Variants in SNX29 observed in about 807,000 individuals in gnomAD.
SNX29 encodes sorting nexin 29, also known as sorting nexin-29.
SNX29 carries 78 observed loss-of-function variants against 102.1 expected under a neutral mutation model. That is an observed-to-expected ratio of 0.76 (90% CI 0.64 to 0.92). The LOEUF is 0.92. SNX29 is among the 40% of genes least tolerant of loss of function. The pLI is 0.00. For synonymous variants in SNX29, 580 were observed against 414.5 expected (o/e 1.40, Z -4.85); for missense variants, 1,280 against 1,061.7 (o/e 1.21, Z -2.86).
At chr16:12,368,445 A>G (rs1237561585) in intron 16 of SNX29, among the ~76,000 whole-genome samples, 2 of 152,368 alleles carry the variant, frequency 1.3e-5, no homozygotes, top group African/African-American at 2.4e-5. Context: ...ACTGGCTTAC[A>G]TCGCCTGTCG....
At chr16:12,196,284 T>A (rs1300427082) in intron 13 of SNX29, among the ~76,000 whole-genome samples, 1 of 152,172 alleles carries the variant, frequency 6.6e-6, no homozygotes. Context: ...ATGTGTAAAA[T>A]GAAGGCAGTA....
intron 3 of SNX29, among the ~76,000 whole-genome samples, chr16:12,019,591 T>TATAG (rs538458322): frequency 0.08 from 11,406 of 142,736 alleles, 491 homozygotes; most frequent in African/African-American, 0.12. Flanking sequence ...AATATATATA[T>TATAG]ATAGATAGAT....
rs1369889198 is a variant in SNX29 at position 12,557,018 on chromosome 16, C to A, written c.2319-11488C>A. On this transcript the variant is annotated intron_variant, in intron 20 of 20. Transcript: ENST00000566228. ...ACACACCACATCTGGCTAATTTACCCCCCCCCCGCCCCAAGATGAGGTCTT... is the reference window on the plus strand; with the variant it reads ...ACACACCACATCTGGCTAATTTACCACCCCCCCGCCCCAAGATGAGGTCTT... Among the ~76,000 whole-genome samples, 14 of 33,920 alleles carry A rather than the reference C, an allele frequency of 4.1e-4. 1 individual carries two copies. The highest frequency in any genetic ancestry group is 9.3e-4 in the South Asian group (1 of 1,070). The allele number at this position is 33,920 out of a possible 152,430, so 22.3% of individuals were successfully genotyped here. A position where few individuals can be genotyped will look rare whatever the true frequency, so the allele number is the denominator to read the frequency against.
At chr16:12,534,431 G>A (rs2077015790) in intron 20 of SNX29, among the ~76,000 whole-genome samples, 1 of 152,198 alleles carries the variant, frequency 6.6e-6, no homozygotes, top group Admixed American at 6.5e-5. Flanking sequence ...GCTGCACTCG[G>A]TTGCCTGTAG....
chr16:12,349,916 A>AT (rs2081948026), intron 15 of SNX29, among the ~76,000 whole-genome samples: 1 of 152,226 alleles, frequency 6.6e-6, no homozygotes, highest in Non-Finnish European at 1.5e-5. Context: ...TCATTGCAGA[A>AT]TGATATTTTG....
chr16:12,177,524 T>G lies in SNX29; in HGVS notation c.1596-22077T>G, dbSNP rs75507559. On this transcript the variant is annotated intron_variant, in intron 13 of 20. Transcript: ENST00000566228. Reference sequence around the variant, plus strand: ...CTTAATGAAAGTTACACCTATCATCTTCACAAGCAGACTGTCATATTCTCT... The same window carrying G: ...CTTAATGAAAGTTACACCTATCATCGTCACAAGCAGACTGTCATATTCTCT... 2.1e-3 allele frequency among the ~76,000 whole-genome samples: 320 copies of G among 152,256 alleles called. 8 individuals are homozygous for G. The East Asian group carries it at 0.052, about 25-fold the overall frequency.
chr16:12,139,815 C>T (rs350273), intron 13 of SNX29, among the ~76,000 whole-genome samples: 29,618 of 151,446 alleles, frequency 0.2, 3,688 homozygotes, highest in African/African-American at 0.36. Context: ...ACCCTGTCTA[C>T]ACAAAAATTA....
intron 14 of SNX29, among the ~76,000 whole-genome samples, chr16:12,227,262 G>T (rs948480007): frequency 1.3e-5 from 2 of 152,182 alleles, no homozygotes; most frequent in African/African-American, 2.4e-5. Context: ...GTTAGGAACA[G>T]CCCTGTTTAG....
intron 14 of SNX29, among the ~76,000 whole-genome samples, chr16:12,260,366 C>A (rs1189680624): frequency 6.6e-6 from 1 of 152,188 alleles, no homozygotes; most frequent in Non-Finnish European, 1.5e-5. Flanking sequence ...CTCCCTGTTA[C>A]CGTCTTCCTT....
chr16:12,563,070 G>C lies in SNX29; in HGVS notation c.2319-5436G>C, dbSNP rs543935197. Among the ~76,000 whole-genome samples the C allele has an allele frequency of 2.2e-4, 33 of 152,114 alleles. No homozygotes were observed. The East Asian group carries it at 4.3e-3, about 20-fold the overall frequency. The stretch of plus-strand genomic sequence containing the variant: ...TCACCTCGAAATGTAGGTACTGGAA[G>C]AGAAATCCAGAATGTTACATAGAAG... On this transcript the variant is annotated intron_variant, in intron 20 of 20. Coordinates refer to ENST00000566228, the MANE Select transcript of SNX29 (RefSeq NM_032167.5).
chr16:12,541,622 CGG>C (rs1567678829), intron 20 of SNX29, among the ~76,000 whole-genome samples: 1 of 152,160 alleles, frequency 6.6e-6, no homozygotes, highest in African/African-American at 2.4e-5. Context: ...ACATCTCTGT[CGG>C]GGTCCATCGC....
intron 20 of SNX29, among the ~76,000 whole-genome samples, chr16:12,564,244 C>T (rs1366676367): frequency 6.6e-6 from 1 of 152,166 alleles, no homozygotes; most frequent in Non-Finnish European, 1.5e-5. Context: ...AAAATCTCTA[C>T]TCAGTTCCTT....
chr16:12,332,374 A>G (rs2081315288), intron 15 of SNX29, among the ~76,000 whole-genome samples: 1 of 152,200 alleles, frequency 6.6e-6, no homozygotes, highest in African/African-American at 2.4e-5. Flanking sequence ...TGAGCAAATT[A>G]ACTTTGGCAT....
At chr16:12,072,226 A>G (rs2051333056) in intron 10 of SNX29, among the ~76,000 whole-genome samples, 1 of 152,164 alleles carries the variant, frequency 6.6e-6, no homozygotes, top group South Asian at 2.1e-4. Context: ...TTGTGAGAGA[A>G]GGCATCCCTG....
intron 15 of SNX29, among the ~76,000 whole-genome samples, chr16:12,300,907 C>T (rs954815518): frequency 6.6e-6 from 1 of 152,138 alleles, no homozygotes; most frequent in African/African-American, 2.4e-5. Flanking sequence ...TGTCTCTCGA[C>T]ATTCCGTACT....
intron 11 of SNX29, among the ~76,000 whole-genome samples, chr16:12,097,419 C>T (rs1013307493): frequency 2.6e-5 from 4 of 152,196 alleles, no homozygotes; most frequent in Admixed American, 6.5e-5. Context: ...GCCGACTTCC[C>T]GCATCTGGCT....
At chr16:12,295,887 C>A (rs77164896) in intron 15 of SNX29, among the ~76,000 whole-genome samples, 1 of 152,116 alleles carries the variant, frequency 6.6e-6, no homozygotes, top group African/African-American at 2.4e-5. Context: ...AGACCAACTT[C>A]TGCGCCCAGC....
intron 13 of SNX29, among the ~76,000 whole-genome samples, chr16:12,182,756 C>T (rs1305762192): frequency 1.3e-5 from 2 of 151,682 alleles, no homozygotes; most frequent in African/African-American, 4.8e-5. Flanking sequence ...ATGGTGAAAC[C>T]CCATCTCTAC....
At chr16:12,172,271 A>G (rs2076166018) in intron 13 of SNX29, among the ~76,000 whole-genome samples, 1 of 152,120 alleles carries the variant, frequency 6.6e-6, no homozygotes, top group Non-Finnish European at 1.5e-5. Flanking sequence ...TGGGAAGAAA[A>G]AGAAGGGAGG....
Sources: gnomAD v4.1 joint callset for allele counts (sites outside exome capture counted in the v4.1 genomes callset) on GRCh38, gnomAD v4.1.1 for gene constraint, MANE v1.5 for transcripts, NCBI Gene and HGNC (gene_info 2026-07-23, HGNC 2026-07-21) for gene names.